The following VTI1A variants were observed in gnomAD, a reference collection of about 807,000 sequenced individuals.
VTI1A encodes the protein vesicle transport through interaction with t-SNAREs 1A.
VTI1A carries 22 observed loss-of-function variants against 34.9 expected under a neutral mutation model. That is an observed-to-expected ratio of 0.63 (90% CI 0.45 to 0.90). The LOEUF is 0.90. Ranked by LOEUF, VTI1A falls within the 40% of genes least tolerant of loss-of-function variation. VTI1A has a pLI of 0.00. For missense variants in VTI1A, 268 were observed against 275.6 expected (o/e 0.97, Z 0.20); for synonymous variants, 87 against 97.3 (o/e 0.89, Z 0.62).
In VTI1A at chr10:112,730,416, A is replaced by G. The variant is rs149185418; in HGVS notation, c.560+61418A>G. ...CCTTGTGGCGTGATCTTGTCAGTCC[A>G]AAAGAATAAAGATCTACCTTTACAT... On this transcript the variant is annotated intron_variant, in intron 7 of 7. Transcript: ENST00000393077. 7.0e-4 allele frequency among the ~76,000 whole-genome samples: 106 copies of G among 152,322 alleles called. No homozygotes were observed. The East Asian group carries it at 0.019, about 28-fold the overall frequency.
chr10:112,756,097 G>A lies in VTI1A; in HGVS notation c.561-59193G>A, dbSNP rs74156812. Among the ~76,000 whole-genome samples the A allele has an allele frequency of 5.7e-3, 874 of 152,252 alleles. 8 individuals carry two copies. Among genetic ancestry groups the A allele is most frequent in the African/African-American group, 0.02 (824 of 41,534 alleles). On this transcript the variant is annotated intron_variant, in intron 7 of 7. Coordinates refer to ENST00000393077, the MANE Select transcript of VTI1A (RefSeq NM_145206.4). Reference sequence around the variant, plus strand: ...AGGGAGGGGAGGAGAGGGAGAAAGAGCTGAACTACGGGATCACCGCAAGAA... The same window carrying A: ...AGGGAGGGGAGGAGAGGGAGAAAGAACTGAACTACGGGATCACCGCAAGAA...
chr10:112,521,668 G>A (rs1850033321), intron 3 of VTI1A, among the ~76,000 whole-genome samples: 1 of 151,984 alleles, frequency 6.6e-6, no homozygotes, highest in South Asian at 2.1e-4. Context: ...TTAGTACCCT[G>A]TGCTTTTCCA....
At chr10:112,543,772 G>A (rs1301156579) in intron 5 of VTI1A, among the ~76,000 whole-genome samples, 1 of 152,156 alleles carries the variant, frequency 6.6e-6, no homozygotes, top group African/African-American at 2.4e-5. Context: ...TGTCCTGAAT[G>A]GTATTGCCTA....
rs1179653058 is a variant in VTI1A at position 112,815,530 on chromosome 10, G to A, written c.*147G>A. On this transcript the variant is annotated 3_prime_UTR_variant, in exon 8 of 8. Transcript: ENST00000393077. ...GCCGTTGGGCTGAAGTGCAAAGAGTGTAAAAATATTTTCTATTCCTGTTTG... is the reference window on the plus strand; with the variant it reads ...GCCGTTGGGCTGAAGTGCAAAGAGTATAAAAATATTTTCTATTCCTGTTTG... 3.1e-6 allele frequency: 2 copies of A among 643,622 alleles called. No homozygotes were observed. The highest frequency in any genetic ancestry group is 2.8e-5 in the East Asian group (1 of 35,770). The allele number at this position is 643,622 out of a possible 1,614,324, so 39.9% of individuals were successfully genotyped here. A position where few individuals can be genotyped will look rare whatever the true frequency, so the allele number is the denominator to read the frequency against.
At chr10:112,609,803 C>T (rs1479036004) in intron 5 of VTI1A, among the ~76,000 whole-genome samples, 1 of 152,074 alleles carries the variant, frequency 6.6e-6, no homozygotes, top group African/African-American at 2.4e-5. Context: ...TTCAGTGGTG[C>T]CTCATGGAGC....
At chr10:112,606,330 G>A (rs567760725) in intron 5 of VTI1A, among the ~76,000 whole-genome samples, 5 of 151,848 alleles carry the variant, frequency 3.3e-5, no homozygotes, top group South Asian at 2.1e-4. Flanking sequence ...CGGCCATTGC[G>A]TGCTATTCTG....
At chr10:112,526,719 A>C (rs75483251) in intron 3 of VTI1A, among the ~76,000 whole-genome samples, 5 of 152,116 alleles carry the variant, frequency 3.3e-5, no homozygotes, top group South Asian at 4.1e-4. Context: ...AAAAAAAAAA[A>C]CATATACTCC....
At chr10:112,784,759 TC>T (rs1362406879) in intron 7 of VTI1A, among the ~76,000 whole-genome samples, 1 of 152,118 alleles carries the variant, frequency 6.6e-6, no homozygotes, top group Non-Finnish European at 1.5e-5. Flanking sequence ...AATAGATACT[TC>T]CCCTGTTTTA....
intron 1 of VTI1A, among the ~76,000 whole-genome samples, chr10:112,456,681 C>T (rs1413748354): frequency 6.6e-6 from 1 of 152,190 alleles, no homozygotes; most frequent in Admixed American, 6.5e-5. Context: ...TATTGAGGAA[C>T]TACTTAAACC....
At chr10:112,664,914 G>C (rs1847588837) in intron 5 of VTI1A, among the ~76,000 whole-genome samples, 1 of 152,108 alleles carries the variant, frequency 6.6e-6, no homozygotes, top group Non-Finnish European at 1.5e-5. Flanking sequence ...TCATTGCCTT[G>C]TTATGCTTCC....
the VTI1A span, among the ~76,000 whole-genome samples, chr10:112,830,844 T>TAC: frequency 5.3e-5 from 3 of 56,838 alleles, no homozygotes; most frequent in African/African-American, 2.0e-4. Flanking sequence ...TATATATATA[T>TAC]ATATATTTTT....
chr10:112,466,483 G>A (rs1170710529), intron 3 of VTI1A, among the ~76,000 whole-genome samples: 1 of 152,080 alleles, frequency 6.6e-6, no homozygotes, highest in Non-Finnish European at 1.5e-5. Context: ...CTAAGTATGT[G>A]CCCTGTACTA....
At chr10:112,454,006 A>T (rs1847338027) in intron 1 of VTI1A, among the ~76,000 whole-genome samples, 1 of 152,202 alleles carries the variant, frequency 6.6e-6, no homozygotes, top group Non-Finnish European at 1.5e-5. Flanking sequence ...CTCCAGCTCT[A>T]ATCCATTATC....
chr10:112,854,515 C>T, the VTI1A span, among the ~76,000 whole-genome samples: 2 of 151,860 alleles, frequency 1.3e-5, no homozygotes, highest in South Asian at 2.1e-4. Flanking sequence ...GGGCCCCGGC[C>T]GCCCAGAGAT....
At chr10:112,534,588 A>G (rs1051980302) in intron 4 of VTI1A, among the ~76,000 whole-genome samples, 3 of 152,136 alleles carry the variant, frequency 2.0e-5, no homozygotes, top group Non-Finnish European at 2.9e-5. Context: ...TTTGAATTTA[A>G]GATGCATTAC....
chr10:112,765,987 C>T (rs1018190308), intron 7 of VTI1A, among the ~76,000 whole-genome samples: 3 of 152,164 alleles, frequency 2.0e-5, no homozygotes, highest in African/African-American at 7.2e-5. Flanking sequence ...GAAGGCATTA[C>T]CTAGATGCTT....
the VTI1A span, among the ~76,000 whole-genome samples, chr10:112,841,471 G>T: frequency 6.6e-6 from 1 of 152,172 alleles, no homozygotes; most frequent in Admixed American, 6.5e-5. Flanking sequence ...TGGATACAAA[G>T]AAATTACCCT....
chr10:112,620,668 T>C (rs915966774), intron 5 of VTI1A, among the ~76,000 whole-genome samples: 9 of 151,726 alleles, frequency 5.9e-5, no homozygotes, highest in Non-Finnish European at 1.3e-4. Context: ...TGGGCGCCTG[T>C]AATCTCAGCT....
At chr10:112,598,537 A>T (rs1253247319) in intron 5 of VTI1A, among the ~76,000 whole-genome samples, 1 of 152,214 alleles carries the variant, frequency 6.6e-6, no homozygotes, top group East Asian at 1.9e-4. Context: ...GACCTTTAAA[A>T]CCATTTGCAA....
Sources: gnomAD v4.1 joint callset for allele counts (sites outside exome capture counted in the v4.1 genomes callset) on GRCh38, gnomAD v4.1.1 for gene constraint, MANE v1.5 for transcripts, NCBI Gene and HGNC (gene_info 2026-07-23, HGNC 2026-07-21) for gene names.